The following WASHC5 variants were observed in gnomAD, a reference collection of about 807,000 sequenced individuals.
WASHC5 encodes the protein WASH complex subunit 5, also known as WASH complex subunit strumpellin.
A neutral mutation model predicts 150.4 loss-of-function variants in WASHC5; 101 were observed. The observed-to-expected ratio is 0.67, with a 90% CI of 0.57 to 0.79. The LOEUF (loss-of-function observed/expected upper bound fraction) is 0.79, where lower values mean the gene tolerates loss of function less well. Among genes scored for constraint, WASHC5 ranks in the 30% least tolerant of loss-of-function variants. The probability of loss-of-function intolerance (pLI) is 0.00; values close to 1 mark genes in which losing one functional copy is unlikely to be tolerated. For synonymous variants in WASHC5, 467 were observed against 491.2 expected, an observed-to-expected ratio of 0.95 and a Z score of 0.65; for missense variants, 1,195 against 1,396.3, an observed-to-expected ratio of 0.86 and a Z score of 2.30.
chr8:125,055,775 A>G (rs1033556477), intron 16 of WASHC5, 104 bp from the exon 17 acceptor site: 1 of 788,874 alleles, frequency 1.3e-6, no homozygotes, highest in Non-Finnish European at 2.3e-6. Flanking sequence ...CTGTGTCCAC[A>G]TATTCTGGAC....
In WASHC5 at chr8:125,024,691, T is replaced by G. The variant is rs757502744; in HGVS notation, c.3424-18A>C. 12 of 1,553,388 alleles carry G rather than the reference T, an allele frequency of 7.7e-6. No individual in the cohort carries two copies. Among genetic ancestry groups the G allele is most frequent in the Non-Finnish European group, 1.1e-5 (12 of 1,124,984 alleles). ...TCAGCAACCTGAAAAATTAAAGAAT[T>G]AAATTATTCATGGTGTTATAGTTGA... On this transcript the variant is annotated intron_variant, in intron 28 of 28. Transcript: ENST00000318410.
At chr8:125,068,773 C>G (rs1047740870) in intron 9 of WASHC5, among the ~76,000 whole-genome samples, 1 of 152,194 alleles carries the variant, frequency 6.6e-6, no homozygotes, top group African/African-American at 2.4e-5. Flanking sequence ...TATCCACTAC[C>G]CAGGCACTAG....
intron 1 of WASHC5, among the ~76,000 whole-genome samples, chr8:125,085,467 G>A (rs1210486430): frequency 4.6e-5 from 7 of 152,190 alleles, no homozygotes; most frequent in African/African-American, 1.4e-4. Flanking sequence ...GATCTCACAA[G>A]CTGTCAAAGA....
At position 125,082,446 on chromosome 8, in the gene WASHC5, T is replaced by G; in HGVS notation, c.354A>C (p.Glu118Asp). The G allele has an allele frequency of 1.3e-6, 2 of 1,580,638 alleles. No homozygotes were observed. Among genetic ancestry groups the G allele is most frequent in the East Asian group, 4.5e-5 (2 of 44,604 alleles). The change falls in exon 4 of 29, where the codon GAA becomes GAC. Residue 118 changes from glutamate to aspartate, a missense_variant. Transcript: ENST00000318410. ...DLNRYLDDLNEGVYIQQTLET... is the reference protein window; with the variant it reads ...DLNRYLDDLNDGVYIQQTLET... ...CTAAGGTTTGCTGAATATAAACCCC[T>G]TCATTGAGATCATCTAGATATCTAG...
At chr8:125,071,998 A>C (rs891574162) in intron 9 of WASHC5, among the ~76,000 whole-genome samples, 1 of 152,010 alleles carries the variant, frequency 6.6e-6, no homozygotes, top group African/African-American at 2.4e-5. Context: ...TCACAATGCT[A>C]TCTCTCTGGT....
At chr8:125,034,107 T>A (rs993077926) in intron 26 of WASHC5, among the ~76,000 whole-genome samples, 1 of 151,914 alleles carries the variant, frequency 6.6e-6, no homozygotes, top group African/African-American at 2.4e-5. Context: ...GAGAAGGATA[T>A]AAGGAATGGC....
intron 28 of WASHC5, 59 bp from the exon 29 acceptor site, chr8:125,024,732 T>C: frequency 8.5e-7 from 1 of 1,179,450 alleles, no homozygotes; most frequent in Admixed American, 1.7e-5. Flanking sequence ...TACAAAATTT[T>C]CATACGTAAA....
chr8:125,058,523 G>C (rs1456790026), intron 14 of WASHC5, among the ~76,000 whole-genome samples: 2 of 152,152 alleles, frequency 1.3e-5, no homozygotes, highest in Non-Finnish European at 2.9e-5. Context: ...AAGGCAGGAG[G>C]AACATTTGAG....
At chr8:125,032,657 T>C in intron 26 of WASHC5, 1 of 478,018 alleles carries the variant, frequency 2.1e-6, no homozygotes, top group South Asian at 2.1e-5. Flanking sequence ...ATTACTCAAT[T>C]AACATATATT....
In WASHC5 at chr8:125,073,105, G is replaced by C. The variant is rs767934394; in HGVS notation, c.1150+48C>G. The C allele has an allele frequency of 1.5e-5, 24 of 1,581,376 alleles. 1 individual carries two copies. The Middle Eastern group carries it at 6.7e-4, about 44-fold the overall frequency. ...ATCGTGAAGTAGGTCCTGATTCTGA[G>C]AGTCTTTATGTGGAGTAATATAAAC... On this transcript the variant is annotated intron_variant, in intron 9 of 28. Coordinates refer to ENST00000318410, the MANE Select transcript of WASHC5 (RefSeq NM_014846.4).
intron 20 of WASHC5, among the ~76,000 whole-genome samples, chr8:125,045,880 C>A (rs1331933916): frequency 6.6e-6 from 1 of 152,158 alleles, no homozygotes; most frequent in East Asian, 1.9e-4. Context: ...ACTAATAGGG[C>A]ACTGGGTGGA....
In WASHC5 at chr8:125,037,315, G is replaced by A. The variant is rs758843087; in HGVS notation, c.3103C>T (p.Arg1035Cys). 85 of 1,607,888 alleles carry A rather than the reference G, an allele frequency of 5.3e-5. No individual in the cohort carries two copies. Among genetic ancestry groups the A allele is most frequent in the Non-Finnish European group, 7.1e-5 (83 of 1,174,618 alleles). Residue 1035 changes from arginine (R) to cysteine (C), a missense_variant, in exon 26 of 29, where the codon CGC (arginine) becomes TGC (cysteine). Around this residue, in one of 3 missense-constraint regions of WASHC5, gnomAD observed 997 missense variants for 1,168.1 expected, o/e 0.85. Transcript: ENST00000318410. ...TTTACAATTGGAAAATAGGGTAAGC[G>A]CTTTGTTGTTATGTATATCTGGAAA... is the stretch of plus-strand genomic sequence containing the variant. Reference protein sequence around the residue: ...PLNKIYITTKRLPYFPIVNFL... With the variant: ...PLNKIYITTKCLPYFPIVNFL...
chr8:125,086,156 G>A (rs80041213), intron 1 of WASHC5, among the ~76,000 whole-genome samples: 5,715 of 152,196 alleles, frequency 0.038, 358 homozygotes, highest in African/African-American at 0.13. Context: ...CACAGAGAGG[G>A]TGACTTAAAC....
rs753529606 is a variant in WASHC5, at chr8:125,075,104, C to T, written c.872G>A (p.Ser291Asn). The change falls in exon 8 of 29, where the codon AGT (serine) becomes AAT (asparagine). Residue 291 changes from serine to asparagine, a missense_variant. Physicochemically the swap from Ser to Asn is conservative, Grantham distance 46. Transcript: ENST00000318410. ...DKYFPDNWVISIYMGITVNLV... is the reference protein window; with the variant it reads ...DKYFPDNWVINIYMGITVNLV... ...ATTAACTGTGATCCCCATGTAAATACTAATTACCTGAAAGAGGAGACATTC... is the reference window on the plus strand; with the variant it reads ...ATTAACTGTGATCCCCATGTAAATATTAATTACCTGAAAGAGGAGACATTC... 20 of 1,584,390 alleles carry T rather than the reference C, an allele frequency of 1.3e-5. No homozygotes were observed. The East Asian group carries it at 4.5e-4, about 35-fold the overall frequency.
intron 19 of WASHC5, among the ~76,000 whole-genome samples, chr8:125,047,598 C>T (rs571113128): frequency 3.3e-5 from 5 of 151,990 alleles, no homozygotes; most frequent in African/African-American, 9.6e-5. Context: ...CCACCATGCC[C>T]GGCTAATTTT....
chr8:125,062,314 C>T (rs16900308), intron 11 of WASHC5, among the ~76,000 whole-genome samples: 3,998 of 152,154 alleles, frequency 0.026, 182 homozygotes, highest in African/African-American at 0.092. Context: ...TGAGAAAAAA[C>T]TGTGAAAGTA....
chr8:125,059,912 T>C (rs1816539979), intron 12 of WASHC5, among the ~76,000 whole-genome samples: 1 of 152,188 alleles, frequency 6.6e-6, no homozygotes, highest in Non-Finnish European at 1.5e-5. Flanking sequence ...TAAAAAGCAT[T>C]TGAGATTTAC....
chr8:125,070,263 C>T (rs112064300), intron 9 of WASHC5, among the ~76,000 whole-genome samples: 4,000 of 152,332 alleles, frequency 0.026, 183 homozygotes, highest in African/African-American at 0.092. Flanking sequence ...TGAAATTCCA[C>T]AAAAGTTAAC....
Position 125,076,537 on chromosome 8 carries a change from G to T in WASHC5, c.712-37C>A, listed in dbSNP as rs766801837. 5.7e-5 allele frequency: 92 copies of T among 1,610,480 alleles called. 1 individual carries two copies. Among genetic ancestry groups the T allele is most frequent in the Non-Finnish European group, 7.5e-5 (88 of 1,179,032 alleles). On this transcript the variant is annotated intron_variant, in intron 6 of 28. Coordinates refer to ENST00000318410, the MANE Select transcript of WASHC5 (RefSeq NM_014846.4). ...AGACGACACCCCGAGAAAGCTGTTG[G>T]CAACATTTGCACGTAGACATGCTCA...
Sources: gnomAD v4.1 joint callset for allele counts (sites outside exome capture counted in the v4.1 genomes callset) on GRCh38, gnomAD v4.1.1 for gene constraint, gnomAD v4.1.1 regional missense constraint, MANE v1.5 for transcripts, NCBI Gene and HGNC (gene_info 2026-07-23, HGNC 2026-07-21) for gene names.